IGFBP7: variants seen among roughly 807,000 people sequenced by gnomAD.
IGFBP7 encodes the protein insulin like growth factor binding protein 7.
IGFBP7 carries 31 observed loss-of-function variants against 29.4 expected under a neutral mutation model. That is an observed-to-expected ratio of 1.05 (90% CI 0.79 to 1.42). IGFBP7 has a LOEUF of 1.42. Among genes scored for constraint, IGFBP7 ranks in the 40% most tolerant of loss-of-function variants. The probability of loss-of-function intolerance (pLI) is 0.00; values close to 1 mark genes in which losing one functional copy is unlikely to be tolerated. For missense variants in IGFBP7, 393 were observed against 395.5 expected, an observed-to-expected ratio of 0.99 and a Z score of 0.05; for synonymous variants, 172 against 174.9, an observed-to-expected ratio of 0.98 and a Z score of 0.13.
At position 57,058,443 on chromosome 4, in the gene IGFBP7, GCACGCCTA is replaced by G. The variant is rs59490866; in HGVS notation, c.476-17518_476-17511del. Among the ~76,000 whole-genome samples the G allele has an allele frequency of 2.5e-3, 374 of 152,244 alleles. 11 individuals are homozygous for G. In the East Asian group the frequency reaches 0.05, roughly 20 times the overall value. ...GAATAGAGAGCCCAGAAATAAGCCT[GCACGCCTA>G]CAACCATCTGATCTTCAACAAAGCT... On this transcript the variant is annotated intron_variant, in intron 1 of 4. Coordinates refer to ENST00000295666, the MANE Select transcript of IGFBP7 (RefSeq NM_001553.3).
intron 1 of IGFBP7, among the ~76,000 whole-genome samples, chr4:57,108,512 G>C (rs1003315975): frequency 6.6e-6 from 1 of 150,412 alleles, no homozygotes; most frequent in Non-Finnish European, 1.5e-5. Context: ...GTATGTGCGT[G>C]TATTTGCAAG....
chr4:57,093,752 C>T (rs1450807251), intron 1 of IGFBP7, among the ~76,000 whole-genome samples: 1 of 152,040 alleles, frequency 6.6e-6, no homozygotes, highest in Non-Finnish European at 1.5e-5. Context: ...CTCTCCTTAG[C>T]TCAAGTCTAA....
At chr4:57,037,402 G>A (rs1004646495) in intron 2 of IGFBP7, among the ~76,000 whole-genome samples, 1 of 151,364 alleles carries the variant, frequency 6.6e-6, no homozygotes, top group Non-Finnish European at 1.5e-5. Context: ...TCAGAGACAG[G>A]ATCTTGCTCT....
At chr4:57,065,198 C>T (rs551537804) in intron 1 of IGFBP7, among the ~76,000 whole-genome samples, 43 of 152,344 alleles carry the variant, frequency 2.8e-4, no homozygotes, top group Middle Eastern at 3.4e-3. Flanking sequence ...TCCCAGGTGC[C>T]GGCTCGCCCA....
Position 57,039,798 on chromosome 4 carries a change from A to C in IGFBP7, c.585+1026T>G, listed in dbSNP as rs373792676. 2.0e-5 allele frequency among the ~76,000 whole-genome samples: 3 copies of C among 151,908 alleles called. No individual in the cohort carries two copies. The South Asian group carries it at 6.2e-4, about 31-fold the overall frequency. On this transcript the variant is annotated intron_variant, in intron 2 of 4. Transcript: ENST00000295666. Reference sequence around the variant, plus strand: ...CCTCACCATGCCCAGCTAATTAAAAAAATTATTTGTAAGAAGGAAGTCTCA... The same window carrying C: ...CCTCACCATGCCCAGCTAATTAAAACAATTATTTGTAAGAAGGAAGTCTCA...
intron 1 of IGFBP7, among the ~76,000 whole-genome samples, chr4:57,050,117 C>T (rs1008247319): frequency 2.0e-5 from 3 of 151,956 alleles, no homozygotes; most frequent in African/African-American, 7.3e-5. Context: ...TCACTTGAAG[C>T]AAATCCCACC....
At chr4:57,090,584 C>T (rs1725614133) in intron 1 of IGFBP7, among the ~76,000 whole-genome samples, 1 of 152,162 alleles carries the variant, frequency 6.6e-6, no homozygotes, top group Middle Eastern at 3.2e-3. Flanking sequence ...CACTTGTAAT[C>T]CTAGCACTTT....
chr4:57,098,783 C>T (rs1725825926), intron 1 of IGFBP7, among the ~76,000 whole-genome samples: 1 of 152,174 alleles, frequency 6.6e-6, no homozygotes, highest in African/African-American at 2.4e-5. Flanking sequence ...CTATGGCTTC[C>T]TGAGGGGGGT....
chr4:57,040,820 A>G lies in IGFBP7; in HGVS notation c.585+4T>C. On this transcript the variant is annotated splice_donor_region_variant and intron_variant, in intron 2 of 4. Transcript: ENST00000295666. ...GGATGTCTCTTAAAGTCTGTGCCAC[A>G]GACCTTGTTCCAGATGAGGACAGGT... 1.3e-6 allele frequency: 2 copies of G among 1,594,226 alleles called. No individual in the cohort carries two copies. The highest frequency in any genetic ancestry group is 1.7e-6 in the Non-Finnish European group (2 of 1,162,116).
At chr4:57,088,141 TG>T (rs66663270) in intron 1 of IGFBP7, among the ~76,000 whole-genome samples, 13 of 151,182 alleles carry the variant, frequency 8.6e-5, no homozygotes, top group Admixed American at 2.6e-4. Context: ...GCTAATCTTT[TG>T]TTTTGTTTTG....
intron 1 of IGFBP7, among the ~76,000 whole-genome samples, chr4:57,059,346 A>C (rs1724742024): frequency 6.6e-6 from 1 of 152,228 alleles, no homozygotes. Flanking sequence ...GGATCAACGT[A>C]AATGCCCATC....
intron 1 of IGFBP7, among the ~76,000 whole-genome samples, chr4:57,049,414 T>C (rs1371465402): frequency 1.3e-5 from 2 of 152,208 alleles, no homozygotes; most frequent in African/African-American, 4.8e-5. Flanking sequence ...ATGTCATTTC[T>C]ACCCAAACTC....
intron 1 of IGFBP7, among the ~76,000 whole-genome samples, chr4:57,108,308 T>C (rs369639278): frequency 2.6e-5 from 4 of 152,198 alleles, no homozygotes; most frequent in Admixed American, 6.5e-5. Context: ...AAGAAAGAAT[T>C]TGGAAATTCT....
chr4:57,043,516 C>T (rs981899631), intron 1 of IGFBP7, among the ~76,000 whole-genome samples: 1 of 152,196 alleles, frequency 6.6e-6, no homozygotes, highest in Admixed American at 6.5e-5. Context: ...ATATTAATTT[C>T]TTGAAACAGA....
chr4:57,074,808 GAATTTA>G (rs375959224), intron 1 of IGFBP7, among the ~76,000 whole-genome samples: 49 of 152,324 alleles, frequency 3.2e-4, no homozygotes, highest in African/African-American at 1.2e-3. Context: ...CATGCTTCAG[GAATTTA>G]AATTGTACTT....
chr4:57,088,859 A>G (rs1280507167), intron 1 of IGFBP7, among the ~76,000 whole-genome samples: 2 of 151,824 alleles, frequency 1.3e-5, no homozygotes, highest in African/African-American at 4.8e-5. Context: ...CTGAAACCCC[A>G]TCTCTACCAA....
At chr4:57,036,338 T>C (rs1344644348) in intron 2 of IGFBP7, among the ~76,000 whole-genome samples, 1 of 152,176 alleles carries the variant, frequency 6.6e-6, no homozygotes, top group Non-Finnish European at 1.5e-5. Flanking sequence ...TCTTTCTTTA[T>C]ACGTCTTTGG....
Position 57,109,980 on chromosome 4 carries a change from G to A in IGFBP7, c.372C>T (p.Gly124=), listed in dbSNP as rs1726139792. The A allele has an allele frequency of 1.3e-6, 2 of 1,545,140 alleles. No individual in the cohort carries two copies. Among genetic ancestry groups the A allele is most frequent in the Non-Finnish European group, 8.7e-7 (1 of 1,151,162 alleles). The change falls in exon 1 of 5, where the codon GGC becomes GGT. Residue 124 remains glycine (G), a synonymous_variant. Coordinates refer to ENST00000295666, the MANE Select transcript of IGFBP7 (RefSeq NM_001553.3). The stretch of plus-strand genomic sequence containing the variant: ...GCTGGCAGCCGCTCGGGTAGGTGGT[G>A]CCGTCGCTGCCGCACACCGGGTAGC... The part of the protein sequence containing the change: ...KSRYPVCGSD[G]TTYPSGCQLR...
intron 2 of IGFBP7, among the ~76,000 whole-genome samples, chr4:57,039,280 A>T (rs1007193992): frequency 7.9e-5 from 12 of 152,196 alleles, no homozygotes; most frequent in African/African-American, 2.9e-4. Flanking sequence ...CTAACTATGT[A>T]TCAAGTAATT....
Sources: allele counts gnomAD v4.1 joint callset (sites outside exome capture counted in the v4.1 genomes callset), GRCh38; gene constraint gnomAD v4.1.1; transcripts MANE v1.5; gene names NCBI Gene and HGNC (gene_info 2026-07-23, HGNC 2026-07-21).